Variants in SLC25A48 observed in about 807,000 individuals in gnomAD.
SLC25A48 encodes solute carrier family 25 member 48.
Under a neutral mutation model 32.2 loss-of-function variants are expected in SLC25A48, and 29 were observed. The ratio of observed to expected loss-of-function variants is 0.90; its 90% CI spans 0.67 to 1.23. SLC25A48 has a LOEUF of 1.23. Ranked by LOEUF, SLC25A48 falls within the 50% of genes most tolerant of loss-of-function variation. The pLI is 0.00. For synonymous variants in SLC25A48, 164 were observed against 172.3 expected, an observed-to-expected ratio of 0.95 and a Z score of 0.38; for missense variants, 399 against 422.7, an observed-to-expected ratio of 0.94 and a Z score of 0.49.
intron 2 of SLC25A48, among the ~76,000 whole-genome samples, chr5:135,847,330 T>A (rs1759505602): frequency 6.6e-6 from 1 of 151,948 alleles, no homozygotes; most frequent in South Asian, 2.1e-4. Context: ...AGGCTAGAGA[T>A]TGGTGGGAGT....
intron 3 of SLC25A48, among the ~76,000 whole-genome samples, chr5:135,789,565 C>T (rs1017671586): frequency 6.6e-6 from 1 of 151,570 alleles, no homozygotes; most frequent in Non-Finnish European, 1.5e-5. Context: ...GGGTGTACAA[C>T]CCTGTGCGAT....
chr5:135,606,866 G>C (rs936986294), intron 1 of SLC25A48, among the ~76,000 whole-genome samples: 6 of 152,174 alleles, frequency 3.9e-5, no homozygotes, highest in Non-Finnish European at 4.4e-5. Context: ...TGCTTTTATA[G>C]TTCAGAGGAG....
At chr5:135,607,241 C>G (rs1343540813) in intron 1 of SLC25A48, among the ~76,000 whole-genome samples, 1 of 152,200 alleles carries the variant, frequency 6.6e-6, no homozygotes, top group African/African-American at 2.4e-5. Context: ...CTTGAATTAT[C>G]AATAGCAAAA....
rs11739844 is a variant in SLC25A48 at position 135,695,551 on chromosome 5, A to T, written c.-521+60595A>T. Among the ~76,000 whole-genome samples the T allele has an allele frequency of 3.7e-3, 559 of 151,994 alleles. 4 individuals carry two copies. Among genetic ancestry groups the T allele is most frequent in the African/African-American group, 0.012 (508 of 41,514 alleles). The stretch of plus-strand genomic sequence containing the variant: ...TGGTATGCCAAAATGATGCATGCAC[A>T]GGCCTCGGTGGCCCTTCTCCCTTCA... On this transcript the variant is annotated intron_variant, in intron 3 of 10. Coordinates refer to the SLC25A48 transcript ENST00000646290.
chr5:135,676,780 CTTAATA>C lies in SLC25A48; in HGVS notation c.-521+41827_-521+41832del, dbSNP rs1261940238. Among the ~76,000 whole-genome samples the C allele has an allele frequency of 2.0e-5, 3 of 151,918 alleles. No individual in the cohort carries two copies. The East Asian group carries it at 5.8e-4, about 29-fold the overall frequency. ...TATTTGTACAGTCTCCAAATTTCCT[CTTAATA>C]TTGATTTCTAGGTCACTATAGTCTG... On this transcript the variant is annotated intron_variant, in intron 3 of 10. Transcript: ENST00000646290.
chr5:135,836,984 CACA>C, intron 1 of SLC25A48, among the ~76,000 whole-genome samples: 1 of 15,452 alleles, frequency 6.5e-5, no homozygotes, highest in South Asian at 5.2e-3. Context: ...CCCCCCCCCA[CACA>C]CACACACATT....
At chr5:135,712,594 G>T (rs1754692688) in intron 3 of SLC25A48, among the ~76,000 whole-genome samples, 1 of 152,210 alleles carries the variant, frequency 6.6e-6, no homozygotes, top group Non-Finnish European at 1.5e-5. Flanking sequence ...TCATCATGAG[G>T]ATACTTCTGG....
chr5:135,883,090 A>G (rs1291906268), intron 7 of SLC25A48: 1 of 985,314 alleles, frequency 1.0e-6, no homozygotes, highest in Non-Finnish European at 1.2e-6. Context: ...GGTCAATGCT[A>G]AAAGTGTCTG....
intron 4 of SLC25A48, among the ~76,000 whole-genome samples, chr5:135,816,675 T>C (rs1757727456): frequency 1.3e-5 from 2 of 152,316 alleles, no homozygotes; most frequent in Admixed American, 1.3e-4. Context: ...GGACTTCTGC[T>C]TATAGTCATG....
intron 1 of SLC25A48, among the ~76,000 whole-genome samples, chr5:135,617,796 G>A (rs918993686): frequency 6.6e-6 from 1 of 151,618 alleles, no homozygotes; most frequent in East Asian, 1.9e-4. Context: ...TTCCACTGTG[G>A]TCTGAAAAGA....
intron 4 of SLC25A48, among the ~76,000 whole-genome samples, chr5:135,817,177 C>A (rs1644594944): frequency 6.6e-6 from 1 of 152,126 alleles, no homozygotes; most frequent in African/African-American, 2.4e-5. Flanking sequence ...ATTGTCATTA[C>A]TCTGGAGGGA....
Position 135,768,898 on chromosome 5 carries a change from T to C in SLC25A48, c.-520-43625T>C, listed in dbSNP as rs146099537. Among the ~76,000 whole-genome samples the C allele has an allele frequency of 7.2e-5, 11 of 151,852 alleles. No individual in the cohort carries two copies. The East Asian group carries it at 2.1e-3, about 29-fold the overall frequency. On this transcript the variant is annotated intron_variant, in intron 3 of 10. Coordinates refer to the SLC25A48 transcript ENST00000646290. The stretch of plus-strand genomic sequence containing the variant: ...TGGTTGTAAGATCCAGAGAAAGTGA[T>C]GATGACATTACTCGCAATATCGCAG...
intron 3 of SLC25A48, among the ~76,000 whole-genome samples, chr5:135,804,836 ATAT>A (rs1757426353): frequency 1.3e-5 from 2 of 151,294 alleles, no homozygotes; most frequent in Non-Finnish European, 3.0e-5. Context: ...ACACCCTGAC[ATAT>A]TATTTGTAAT....
intron 3 of SLC25A48, among the ~76,000 whole-genome samples, chr5:135,666,426 T>C (rs1753526387): frequency 6.6e-6 from 1 of 152,192 alleles, no homozygotes; most frequent in Non-Finnish European, 1.5e-5. Flanking sequence ...AGAGCTTATG[T>C]TCAGGAAGAA....
At chr5:135,700,941 C>T (rs1754380970) in intron 3 of SLC25A48, among the ~76,000 whole-genome samples, 1 of 152,184 alleles carries the variant, frequency 6.6e-6, no homozygotes, top group African/African-American at 2.4e-5. Context: ...TCGCAGAGGG[C>T]CTGGGACCTG....
intron 7 of SLC25A48, among the ~76,000 whole-genome samples, chr5:135,885,074 G>T (rs182090908): frequency 3.2e-4 from 49 of 152,182 alleles, no homozygotes; most frequent in African/African-American, 1.2e-3. Flanking sequence ...CCAGCCCAGG[G>T]TACATCGCCA....
chr5:135,756,931 C>A (rs556262975), intron 3 of SLC25A48, among the ~76,000 whole-genome samples: 6 of 148,916 alleles, frequency 4.0e-5, no homozygotes, highest in Non-Finnish European at 7.4e-5. Flanking sequence ...AATAAAATAT[C>A]ATCTAGATGA....
intron 6 of SLC25A48, among the ~76,000 whole-genome samples, chr5:135,878,443 G>A (rs976946251): frequency 6.6e-6 from 1 of 152,226 alleles, no homozygotes; most frequent in Admixed American, 6.5e-5. Flanking sequence ...TTAGAGAAGA[G>A]TGTTAATATT....
At chr5:135,767,433 GA>G (rs1169602821) in intron 3 of SLC25A48, among the ~76,000 whole-genome samples, 1 of 151,806 alleles carries the variant, frequency 6.6e-6, no homozygotes, top group African/African-American at 2.4e-5. Flanking sequence ...AATATCCTGG[GA>G]AAAAAGGGTA....
Sources: gnomAD v4.1 joint callset for allele counts (sites outside exome capture counted in the v4.1 genomes callset) on GRCh38, gnomAD v4.1.1 for gene constraint, MANE v1.5 for transcripts, NCBI Gene and HGNC (gene_info 2026-07-23, HGNC 2026-07-21) for gene names.